The following MSR1 variants were observed in gnomAD, a reference collection of about 807,000 sequenced individuals.
The protein encoded by MSR1 is macrophage scavenger receptor 1.
MSR1 carries 53 observed loss-of-function variants against 47.2 expected under a neutral mutation model. That is an observed-to-expected ratio of 1.12 (90% CI 0.90 to 1.41). The LOEUF (loss-of-function observed/expected upper bound fraction) is 1.41. Ranked by LOEUF, MSR1 falls within the 40% of genes most tolerant of loss-of-function variation. The pLI, the probability that MSR1 is intolerant of heterozygous loss-of-function variation, is 0.00. For missense variants in MSR1, 786 were observed against 546.9 expected (o/e 1.44, Z -4.36); for synonymous variants, 239 against 185.6 (o/e 1.29, Z -2.34).
chr8:16,122,392 A>C (rs1269168726), intron 8 of MSR1, among the ~76,000 whole-genome samples: 1 of 152,138 alleles, frequency 6.6e-6, no homozygotes, highest in East Asian at 1.9e-4. Flanking sequence ...ATACAAGTCA[A>C]ATATATCCAA....
At chr8:16,171,731 G>T (rs1197911401) in intron 3 of MSR1, among the ~76,000 whole-genome samples, 1 of 152,098 alleles carries the variant, frequency 6.6e-6, no homozygotes, top group Admixed American at 6.5e-5. Flanking sequence ...TTCCTCTAAC[G>T]TTGTCCTTTT....
chr8:16,159,879 G>A (rs1386586990), intron 5 of MSR1, among the ~76,000 whole-genome samples: 2 of 151,930 alleles, frequency 1.3e-5, no homozygotes, highest in Non-Finnish European at 2.9e-5. Context: ...GACTTTGAAT[G>A]ATAAACAAGA....
chr8:16,132,363 G>A (rs962126513), intron 8 of MSR1, among the ~76,000 whole-genome samples: 2 of 152,074 alleles, frequency 1.3e-5, no homozygotes, highest in Non-Finnish European at 2.9e-5. Context: ...TGTTGAAGTT[G>A]TTTATCAGCT....
At chr8:16,118,280 C>G (rs544309917) in intron 9 of MSR1, among the ~76,000 whole-genome samples, 79 of 152,276 alleles carry the variant, frequency 5.2e-4, no homozygotes, top group Middle Eastern at 6.8e-3. Context: ...TGACTAAGAG[C>G]ATGGATAAGA....
In MSR1 at chr8:16,108,773, C is replaced by T. The variant is rs1030632477; in HGVS notation, c.*1312G>A. The T allele has an allele frequency of 8.6e-5, 13 of 152,036 alleles. No homozygotes were observed. The highest frequency in any genetic ancestry group is 2.4e-4 in the African/African-American group (10 of 41,414). The allele number at this position is 152,036 out of a possible 1,614,324, so 9.4% of individuals were successfully genotyped here. On this transcript the variant is annotated 3_prime_UTR_variant, in exon 10 of 10. Coordinates refer to ENST00000262101, the MANE Select transcript of MSR1 (RefSeq NM_138715.3). Reference sequence around the variant, plus strand: ...TAAGGTTTTGCCTTTTTAAGTTGGACGGCTGTGAGTCTACCACTTGGTTAT... The same window carrying T: ...TAAGGTTTTGCCTTTTTAAGTTGGATGGCTGTGAGTCTACCACTTGGTTAT...
At chr8:16,174,238 G>C (rs1801572984) in intron 3 of MSR1, among the ~76,000 whole-genome samples, 1 of 135,840 alleles carries the variant, frequency 7.4e-6, no homozygotes, top group Non-Finnish European at 1.6e-5. Flanking sequence ...CTTTGGCCTG[G>C]TCTTTAGGAA....
At chr8:16,171,961 G>A (rs1015528696) in intron 3 of MSR1, among the ~76,000 whole-genome samples, 2 of 152,020 alleles carry the variant, frequency 1.3e-5, no homozygotes, top group African/African-American at 2.4e-5. Context: ...CCACTTCCTG[G>A]CATGTAATAA....
intron 6 of MSR1, among the ~76,000 whole-genome samples, chr8:16,152,757 G>A (rs368210130): frequency 3.3e-5 from 5 of 151,960 alleles, no homozygotes; most frequent in African/African-American, 1.2e-4. Flanking sequence ...ACTCACATGA[G>A]ATAAAAAATC....
At chr8:16,189,476 T>TA (rs1459284920) in intron 1 of MSR1, among the ~76,000 whole-genome samples, 1 of 726 alleles carries the variant, frequency 1.4e-3, no homozygotes, top group Non-Finnish European at 2.6e-3. Context: ...ATTTTATATA[T>TA]TTTATATATA....
chr8:16,148,090 G>A lies in MSR1; in HGVS notation c.979+2141C>T, dbSNP rs559086214. Among the ~76,000 whole-genome samples, 83 of 152,196 alleles carry A rather than the reference G, an allele frequency of 5.5e-4. 1 individual carries two copies. The highest frequency in any genetic ancestry group is 3.9e-3 in the Admixed American group (59 of 15,282). On this transcript the variant is annotated intron_variant, in intron 7 of 9. Coordinates refer to ENST00000262101, the MANE Select transcript of MSR1 (RefSeq NM_138715.3). ...AATTCTAGGCCTCTTTTAGTCCAGCGCTAACAAACACTACTTTCTATCTAA... is the reference window on the plus strand; with the variant it reads ...AATTCTAGGCCTCTTTTAGTCCAGCACTAACAAACACTACTTTCTATCTAA...
chr8:16,140,126 C>A (rs1280382405), intron 8 of MSR1: 1 of 984,288 alleles, frequency 1.0e-6, no homozygotes, highest in African/African-American at 1.8e-5. Context: ...ACATCCCTAT[C>A]TCTGGTTGAG....
chr8:16,162,828 A>G (rs1801199064), intron 5 of MSR1, among the ~76,000 whole-genome samples: 1 of 151,982 alleles, frequency 6.6e-6, no homozygotes, highest in Non-Finnish European at 1.5e-5. Context: ...TTTATAGCTT[A>G]TCTTCTTTCT....
intron 7 of MSR1, among the ~76,000 whole-genome samples, chr8:16,148,742 G>A (rs1325496881): frequency 1.3e-5 from 2 of 152,118 alleles, no homozygotes; most frequent in East Asian, 3.9e-4. Flanking sequence ...TTACAGGTGT[G>A]AGCCACCACG....
intron 8 of MSR1, among the ~76,000 whole-genome samples, chr8:16,142,945 T>C (rs1800599309): frequency 6.6e-6 from 1 of 152,128 alleles, no homozygotes; most frequent in South Asian, 2.1e-4. Context: ...AACAATTGAC[T>C]TACAGCATGG....
At chr8:16,173,489 G>A (rs1479396807) in intron 3 of MSR1, among the ~76,000 whole-genome samples, 2 of 152,168 alleles carry the variant, frequency 1.3e-5, no homozygotes, top group East Asian at 3.8e-4. Context: ...GATTTACCAG[G>A]AAATTGTTTA....
chr8:16,192,063 C>T (rs1226026715), intron 1 of MSR1, among the ~76,000 whole-genome samples: 3 of 151,912 alleles, frequency 2.0e-5, no homozygotes, highest in African/African-American at 4.8e-5. Context: ...CATAAGATTC[C>T]GGAGCACAAA....
chr8:16,128,373 A>G (rs979545204), intron 8 of MSR1, among the ~76,000 whole-genome samples: 6 of 152,058 alleles, frequency 3.9e-5, no homozygotes, highest in African/African-American at 1.4e-4. Flanking sequence ...ACTTGATAGG[A>G]CAGGTGCCCT....
chr8:16,178,797 C>A (rs989918535), intron 1 of MSR1, among the ~76,000 whole-genome samples: 5 of 152,072 alleles, frequency 3.3e-5, no homozygotes, highest in African/African-American at 1.2e-4. Context: ...GATCACCATT[C>A]TAACTGGTGT....
chr8:16,146,383 C>A (rs926844279), intron 7 of MSR1, among the ~76,000 whole-genome samples: 9 of 151,832 alleles, frequency 5.9e-5, no homozygotes, highest in African/African-American at 1.2e-4. Flanking sequence ...AAAAAAAAAA[C>A]CATATGAAAC....
Sources: allele counts gnomAD v4.1 joint callset (sites outside exome capture counted in the v4.1 genomes callset), GRCh38; gene constraint gnomAD v4.1.1; transcripts MANE v1.5; gene names NCBI Gene and HGNC (gene_info 2026-07-23, HGNC 2026-07-21).